Variants in AGAP1 observed in about 807,000 individuals in gnomAD.
AGAP1 encodes ArfGAP with GTPase domain, ankyrin repeat and PH domain 1.
Under a neutral mutation model 105.3 loss-of-function variants are expected in AGAP1, and 29 were observed. The observed-to-expected ratio is 0.28, with a 90% CI of 0.21 to 0.38. AGAP1 has a LOEUF of 0.38. Among genes scored for constraint, AGAP1 ranks in the 10% least tolerant of loss-of-function variants. The pLI is 1.00. For synonymous variants in AGAP1, 509 were observed against 485.9 expected, an observed-to-expected ratio of 1.05 and a Z score of -0.63; for missense variants, 998 against 1,165.1, an observed-to-expected ratio of 0.86 and a Z score of 2.09.
At position 236,105,796 on chromosome 2, in the gene AGAP1, A is replaced by C. The variant is rs899877342; in HGVS notation, c.2115-14396A>C. Among the ~76,000 whole-genome samples the C allele has an allele frequency of 2.6e-5, 4 of 151,980 alleles. No individual in the cohort carries two copies. The highest frequency in any genetic ancestry group is 9.7e-5 in the African/African-American group (4 of 41,378). The stretch of plus-strand genomic sequence containing the variant: ...GTATTTTTAGTAGAGACGGGGTTTC[A>C]CCATGTTAGCCAGGGTGGTCTCGAT... On this transcript the variant is annotated intron_variant, in intron 16 of 17. Transcript: ENST00000304032. This position sits in a 1 kb window ranked among gnomAD's most constrained non-coding sequence, Gnocchi z 4.2.
Position 235,496,041 on chromosome 2 carries a change from G to T in AGAP1, c.163+1192G>T, listed in dbSNP as rs569765505. 2.0e-5 allele frequency among the ~76,000 whole-genome samples: 3 copies of T among 152,354 alleles called. No homozygotes were observed. In the East Asian group the frequency reaches 5.8e-4, roughly 29 times the overall value. On this transcript the variant is annotated intron_variant, in intron 1 of 17. Transcript: ENST00000304032. ...GGAGAGGGTATCAGCCCACAGAGAGGCTTTGCCTTGGCACTATGTAGTCTG... is the reference window on the plus strand; with the variant it reads ...GGAGAGGGTATCAGCCCACAGAGAGTCTTTGCCTTGGCACTATGTAGTCTG...
At position 235,736,623 on chromosome 2, in the gene AGAP1, G is replaced by A. The variant is rs1391007878; in HGVS notation, c.311-4340G>A. ...AAAAGATCTCCCTTTGGGAGGCTGA[G>A]GCAGGTAGACCGCTTGAGCCCAGGA... On this transcript the variant is annotated intron_variant, in intron 3 of 17. Transcript: ENST00000304032. The surrounding 1 kb of genome is among the most constrained non-coding windows in gnomAD (Gnocchi z 5.5). Among the ~76,000 whole-genome samples the A allele has an allele frequency of 2.0e-5, 3 of 152,178 alleles. No individual in the cohort carries two copies. The highest frequency in any genetic ancestry group is 4.4e-5 in the Non-Finnish European group (3 of 68,036).
intron 16 of AGAP1, among the ~76,000 whole-genome samples, chr2:236,069,564 C>G (rs574185000): frequency 6.6e-6 from 1 of 152,184 alleles, no homozygotes; most frequent in Non-Finnish European, 1.5e-5. Context: ...GCTGGGATTA[C>G]AGGCACACGC....
chr2:235,629,514 G>A (rs945807913), intron 1 of AGAP1, among the ~76,000 whole-genome samples: 2 of 151,962 alleles, frequency 1.3e-5, no homozygotes, highest in Non-Finnish European at 1.5e-5. Flanking sequence ...TGAGTATCGA[G>A]TGTCCAGCAC....
chr2:235,688,026 A>T (rs1026258419), intron 1 of AGAP1, among the ~76,000 whole-genome samples: 15 of 148,344 alleles, frequency 1.0e-4, no homozygotes, highest in Admixed American at 3.4e-4. Context: ...CTCAGCCTCC[A>T]GAGTAGCTGG....
chr2:235,822,709 C>T (rs1281770339), intron 9 of AGAP1, among the ~76,000 whole-genome samples: 1 of 152,078 alleles, frequency 6.6e-6, no homozygotes, highest in African/African-American at 2.4e-5. Context: ...TGAAGAAGCT[C>T]AGTGGTGAAG....
chr2:235,583,829 G>A (rs1249377120), intron 1 of AGAP1, among the ~76,000 whole-genome samples: 1 of 149,586 alleles, frequency 6.7e-6, no homozygotes, highest in African/African-American at 2.5e-5. Context: ...AGCCAAGATT[G>A]TACCACTGCA....
At chr2:236,102,396 C>G (rs1337233238) in intron 16 of AGAP1, among the ~76,000 whole-genome samples, 1 of 132,720 alleles carries the variant, frequency 7.5e-6, no homozygotes, top group Non-Finnish European at 1.5e-5. Flanking sequence ...CCAGCCTGGG[C>G]GACAGAGCGA....
intron 12 of AGAP1, among the ~76,000 whole-genome samples, chr2:235,932,398 CAG>C: frequency 6.6e-6 from 1 of 152,346 alleles, no homozygotes; most frequent in South Asian, 2.1e-4. Flanking sequence ...TTAGGAGGAG[CAG>C]AGAGTTCACA....
intron 1 of AGAP1, among the ~76,000 whole-genome samples, chr2:235,506,690 G>A (rs1296136881): frequency 6.6e-6 from 1 of 152,102 alleles, no homozygotes; most frequent in Admixed American, 6.6e-5. Context: ...CCGGAAGCCG[G>A]GTCTGTATGG....
In AGAP1 at chr2:235,723,139, T is replaced by G. The variant is rs566089750; in HGVS notation, c.310+5495T>G. ...AAGGACTCATCGGCTGGCAGTGACC[T>G]TCACACCTCTGAGGACAATTTCACA... On this transcript the variant is annotated intron_variant, in intron 3 of 17. Transcript: ENST00000304032. This position sits in a 1 kb window ranked among gnomAD's most constrained non-coding sequence, Gnocchi z 6.2. 1.3e-5 allele frequency among the ~76,000 whole-genome samples: 2 copies of G among 152,308 alleles called. No homozygotes were observed. The highest frequency in any genetic ancestry group is 2.4e-5 in the African/African-American group (1 of 41,570).
At position 235,802,742 on chromosome 2, in the gene AGAP1, ATGG is replaced by A. The variant is rs1319222350; in HGVS notation, c.957+3229_957+3231del. 4.8e-3 allele frequency among the ~76,000 whole-genome samples: 601 copies of A among 126,306 alleles called. 3 individuals carry two copies. Among genetic ancestry groups the A allele is most frequent in the African/African-American group, 0.016 (528 of 32,604 alleles). The allele number at this position is 126,306 out of a possible 152,430, so 82.9% of individuals were successfully genotyped here. A position where few individuals can be genotyped will look rare whatever the true frequency, so the allele number is the denominator to read the frequency against. On this transcript the variant is annotated intron_variant, in intron 8 of 17. Transcript: ENST00000304032. ...TGTGGTTGTGATGGTGATGGTTGTG[ATGG>A]TGGTGGTGATGGTTGTGGTTGTGAT...
chr2:235,852,301 A>C (rs1222435782), intron 9 of AGAP1, among the ~76,000 whole-genome samples: 1 of 152,204 alleles, frequency 6.6e-6, no homozygotes, highest in Non-Finnish European at 1.5e-5. Flanking sequence ...CCGGGCGTGC[A>C]TAATGCCTAT....
chr2:236,067,271 T>C (rs891480173), intron 16 of AGAP1, among the ~76,000 whole-genome samples: 3 of 152,112 alleles, frequency 2.0e-5, no homozygotes. Context: ...ATTTCAAGAA[T>C]TAAATGAACA....
intron 6 of AGAP1, among the ~76,000 whole-genome samples, chr2:235,755,125 A>C (rs923081572): frequency 2.0e-5 from 3 of 152,076 alleles, no homozygotes; most frequent in Non-Finnish European, 4.4e-5. Context: ...GGATGTGCGG[A>C]CTTGGCAGCT....
rs181954754 is a variant in AGAP1, at chr2:235,618,292, A to C, written c.164-90887A>C. 3.3e-3 allele frequency among the ~76,000 whole-genome samples: 499 copies of C among 152,224 alleles called. 4 individuals carry two copies. Among genetic ancestry groups the C allele is most frequent in the African/African-American group, 0.012 (492 of 41,532 alleles). On this transcript the variant is annotated intron_variant, in intron 1 of 17. Transcript: ENST00000304032. ...TAAACCACAAGAGCTGGAAAATTCCAGTAGGTTTTTGTAGGTGATTTTTCG... is the reference window on the plus strand; with the variant it reads ...TAAACCACAAGAGCTGGAAAATTCCCGTAGGTTTTTGTAGGTGATTTTTCG...
intron 16 of AGAP1, among the ~76,000 whole-genome samples, chr2:236,068,797 CAAA>C (rs35724496): frequency 3.5e-4 from 20 of 57,584 alleles, no homozygotes; most frequent in African/African-American, 9.2e-4. Context: ...GACTCCGTCT[CAAA>C]AAAAAAAAAA....
chr2:235,969,301 C>T (rs1340949017), intron 13 of AGAP1, among the ~76,000 whole-genome samples: 1 of 151,748 alleles, frequency 6.6e-6, no homozygotes, highest in African/African-American at 2.4e-5. Flanking sequence ...TAGGTAAGCG[C>T]ATGCGTACAC....
At chr2:235,671,307 G>A (rs1948410179) in intron 1 of AGAP1, among the ~76,000 whole-genome samples, 1 of 152,176 alleles carries the variant, frequency 6.6e-6, no homozygotes, top group African/African-American at 2.4e-5. Flanking sequence ...GCTTGACCCG[G>A]GAGAGGTCGC....
Sources: gnomAD v4.1 joint callset for allele counts (sites outside exome capture counted in the v4.1 genomes callset) on GRCh38, gnomAD v4.1.1 for gene constraint, Gnocchi (gnomAD v3.1) non-coding constraint, MANE v1.5 for transcripts, NCBI Gene and HGNC (gene_info 2026-07-23, HGNC 2026-07-21) for gene names.